The following ACACB variants were observed in gnomAD, a reference collection of about 807,000 sequenced individuals.
ACACB encodes acetyl-CoA carboxylase beta, also known as acetyl-CoA carboxylase 2.
A neutral mutation model predicts 278.8 loss-of-function variants in ACACB; 209 were observed. The observed-to-expected ratio is 0.75, with a 90% confidence interval of 0.67 to 0.84. The LOEUF (loss-of-function observed/expected upper bound fraction) is 0.84. Ranked by LOEUF, ACACB falls within the 40% of genes least tolerant of loss-of-function variation. The pLI, the probability that ACACB is intolerant of heterozygous loss-of-function variation, is 0.00. For synonymous variants in ACACB, 1,174 were observed against 1,285.6 expected, an observed-to-expected ratio of 0.91 and a Z score of 1.86; for missense variants, 2,850 against 3,269.0, an observed-to-expected ratio of 0.87 and a Z score of 3.13.
chr12:109,266,051 A>G (rs2047509208), intron 52 of ACACB, among the ~76,000 whole-genome samples, 185 bp from the exon 53 acceptor site: 1 of 152,218 alleles, frequency 6.6e-6, no homozygotes, highest in African/African-American at 2.4e-5. Context: ...TGGTGCCTCA[A>G]GGCATTCTGA....
chr12:109,219,050 A>G (rs1305537684), intron 24 of ACACB, among the ~76,000 whole-genome samples: 1 of 151,696 alleles, frequency 6.6e-6, no homozygotes, highest in African/African-American at 2.4e-5. Context: ...TATAGACATG[A>G]GCCACCACGC....
At chr12:109,206,245 C>T (rs2045504443) in intron 19 of ACACB, among the ~76,000 whole-genome samples, 1 of 151,972 alleles carries the variant, frequency 6.6e-6, no homozygotes, top group African/African-American at 2.4e-5. Flanking sequence ...ACCATCCTGG[C>T]CAACATGGTG....
At chr12:109,154,532 A>G (rs2043465645) in intron 2 of ACACB, 1 of 152,466 alleles carries the variant, frequency 6.6e-6, no homozygotes, top group Non-Finnish European at 1.5e-5. Flanking sequence ...TCGGCTGCCG[A>G]AGCTCAGCGG....
At chr12:109,120,209 T>C (rs1015883833) in intron 1 of ACACB, among the ~76,000 whole-genome samples, 1 of 152,156 alleles carries the variant, frequency 6.6e-6, no homozygotes, top group Non-Finnish European at 1.5e-5. Context: ...GAGCTGCCCA[T>C]GCAAGGTGGA....
rs749766876 is a variant in ACACB, at chr12:109,249,936, AT to A, written c.5670-42del. The A allele has an allele frequency of 1.5e-4, 236 of 1,561,252 alleles. 1 individual carries two copies. Among genetic ancestry groups the A allele is most frequent in the Non-Finnish European group, 1.9e-4 (215 of 1,154,420 alleles). The stretch of plus-strand genomic sequence containing the variant: ...TTCTTGGGAAATGCATCCACCTTGG[AT>A]TTTTTGGGGCTAGAGCCCAGCCTTT... On this transcript the variant is annotated intron_variant, in intron 40 of 52. Transcript: ENST00000338432.
At chr12:109,210,235 A>ATACACACACGTGTG (rs2045735405) in intron 21 of ACACB, among the ~76,000 whole-genome samples, 1 of 21,076 alleles carries the variant, frequency 4.7e-5, no homozygotes, top group Non-Finnish European at 7.9e-5. Flanking sequence ...GTGTATATGT[A>ATACACACACGTGTG]TATATGTATA....
intron 4 of ACACB, among the ~76,000 whole-genome samples, chr12:109,171,370 GA>G (rs2044109814): frequency 6.8e-6 from 1 of 145,996 alleles, no homozygotes. Context: ...TTTTTTATTA[GA>G]CAGAGTCTCG....
In ACACB at chr12:109,237,325, C is replaced by A; in HGVS notation, c.4607C>A (p.Thr1536Lys). 6.2e-7 allele frequency: 1 copy of A among 1,614,148 alleles called. No individual in the cohort carries two copies. The highest frequency in any genetic ancestry group is 8.5e-7 in the Non-Finnish European group (1 of 1,180,042). ...AAGGTGAAGGAAGGTGTGGAAGTGA[C>A]GGACCATAGGTTCTTCATCCGCGCC... Reference protein sequence around the residue: ...AAKVKEGVEVTDHRFFIRAII... With the variant: ...AAKVKEGVEVKDHRFFIRAII... Residue 1536 changes from threonine (T) to lysine (K), a missense_variant, in exon 34 of 53, where the codon ACG becomes AAG. Transcript: ENST00000338432.
At chr12:109,133,016 C>G (rs143827310) in intron 1 of ACACB, among the ~76,000 whole-genome samples, 1 of 152,276 alleles carries the variant, frequency 6.6e-6, no homozygotes, top group East Asian at 1.9e-4. Context: ...CACTCACCTT[C>G]TCTCTCCACA....
chr12:109,124,630 G>A (rs1415514589), intron 1 of ACACB, among the ~76,000 whole-genome samples: 1 of 152,146 alleles, frequency 6.6e-6, no homozygotes, highest in Non-Finnish European at 1.5e-5. Context: ...TTATTGTTTC[G>A]TTACTATAGT....
chr12:109,120,398 T>C (rs527789742), intron 1 of ACACB, among the ~76,000 whole-genome samples: 3 of 152,180 alleles, frequency 2.0e-5, no homozygotes, highest in Non-Finnish European at 4.4e-5. Flanking sequence ...AGGATTGGTA[T>C]TCATAGCCAC....
At chr12:109,202,143 A>G (rs919738089) in intron 19 of ACACB, among the ~76,000 whole-genome samples, 6 of 152,114 alleles carry the variant, frequency 3.9e-5, no homozygotes, top group East Asian at 1.9e-4. Context: ...CTTCCCCTCA[A>G]TGAGGGCATT....
At chr12:109,205,971 A>C (rs532940113) in intron 19 of ACACB, among the ~76,000 whole-genome samples, 1 of 152,208 alleles carries the variant, frequency 6.6e-6, no homozygotes, top group East Asian at 1.9e-4. Context: ...TTATTTTTCC[A>C]TGTGTTTACC....
intron 38 of ACACB, among the ~76,000 whole-genome samples, 197 bp from the exon 39 acceptor site, chr12:109,245,982 G>A (rs763224516): frequency 4.6e-5 from 7 of 152,014 alleles, no homozygotes; most frequent in Non-Finnish European, 1.0e-4. Context: ...CCAGCTACTC[G>A]AGAGACTGAG....
At chr12:109,211,703 T>C (rs2045855893) in intron 21 of ACACB, among the ~76,000 whole-genome samples, 1 of 152,210 alleles carries the variant, frequency 6.6e-6, no homozygotes, top group South Asian at 2.1e-4. Context: ...GAAAATGCTT[T>C]AAAATTAGAT....
chr12:109,172,353 T>C lies in ACACB; in HGVS notation c.1114T>C (p.Leu372=). 6.2e-7 allele frequency: 1 copy of C among 1,614,082 alleles called. No homozygotes were observed. The highest frequency in any genetic ancestry group is 8.5e-7 in the Non-Finnish European group (1 of 1,179,958). ...ELLCKNGVAF[L]GPPSEAMWAL... ...GCTGTGCAAGAATGGAGTTGCTTTCTTAGGTAGAGTGTGTCCCCATCAGAT... is the reference window on the plus strand; with the variant it reads ...GCTGTGCAAGAATGGAGTTGCTTTCCTAGGTAGAGTGTGTCCCCATCAGAT... Residue 372 remains leucine (L), a synonymous_variant, in exon 6 of 53, where the codon TTA becomes CTA. Transcript: ENST00000338432.
At chr12:109,240,226 T>C (rs1047267113) in intron 35 of ACACB, among the ~76,000 whole-genome samples, 1 of 152,214 alleles carries the variant, frequency 6.6e-6, no homozygotes, top group Non-Finnish European at 1.5e-5. Context: ...TCAAAATGTC[T>C]TTCAAAACAA....
chr12:109,238,953 G>A (rs1315048971), intron 34 of ACACB, among the ~76,000 whole-genome samples: 4 of 152,026 alleles, frequency 2.6e-5, no homozygotes, highest in Admixed American at 6.5e-5. Flanking sequence ...ATTTGCTCTT[G>A]TCACCCAGGC....
chr12:109,247,761 C>G (rs2046988373), intron 40 of ACACB, 58 bp downstream of exon 40: 3 of 1,380,612 alleles, frequency 2.2e-6, no homozygotes, highest in Admixed American at 3.4e-5. Context: ...CAGCTGTCTT[C>G]TTTCCTCGGG....
Sources: allele counts gnomAD v4.1 joint callset (sites outside exome capture counted in the v4.1 genomes callset), GRCh38; gene constraint gnomAD v4.1.1; transcripts MANE v1.5; gene names NCBI Gene and HGNC (gene_info 2026-07-23, HGNC 2026-07-21).